The following DNAJC6 variants were observed in gnomAD, a reference collection of about 807,000 sequenced individuals.
DNAJC6 encodes auxilin.
DNAJC6 carries 34 observed loss-of-function variants against 110.0 expected under a neutral mutation model. The ratio of observed to expected loss-of-function variants is 0.31; its 90% CI spans 0.24 to 0.41. The LOEUF is 0.41. Ranked by LOEUF, DNAJC6 falls within the 10% of genes least tolerant of loss-of-function variation. DNAJC6 has a pLI of 1.00. For missense variants in DNAJC6, 1,031 were observed against 1,207.8 expected, an observed-to-expected ratio of 0.85 and a Z score of 2.17; for synonymous variants, 406 against 437.2, an observed-to-expected ratio of 0.93 and a Z score of 0.89.
chr1:65,384,801 C>A (rs1356129964), intron 6 of DNAJC6, among the ~76,000 whole-genome samples: 1 of 152,190 alleles, frequency 6.6e-6, no homozygotes, highest in Non-Finnish European at 1.5e-5. Flanking sequence ...CCACATCAAT[C>A]TGACATTATC....
At chr1:65,265,100 A>G (rs1653271278) in intron 1 of DNAJC6, among the ~76,000 whole-genome samples, 1 of 152,236 alleles carries the variant, frequency 6.6e-6, no homozygotes. Flanking sequence ...GACTTTAAAA[A>G]ATGACTAGCT....
intron 1 of DNAJC6, among the ~76,000 whole-genome samples, chr1:65,286,213 A>G (rs887308606): frequency 6.6e-6 from 1 of 152,132 alleles, no homozygotes; most frequent in Non-Finnish European, 1.5e-5. Context: ...CCATTTGAAT[A>G]GCAGAATTCT....
At chr1:65,351,785 G>A (rs1486046179) in intron 1 of DNAJC6, among the ~76,000 whole-genome samples, 2 of 151,956 alleles carry the variant, frequency 1.3e-5, no homozygotes, top group African/African-American at 2.4e-5. Context: ...TTTTTCTTAA[G>A]ATGGAGTTTC....
At chr1:65,391,358 A>C (rs1645923881) in intron 11 of DNAJC6, among the ~76,000 whole-genome samples, 1 of 152,188 alleles carries the variant, frequency 6.6e-6, no homozygotes, top group Non-Finnish European at 1.5e-5. Flanking sequence ...ATGTGGGTCT[A>C]TCTGGCATTA....
intron 1 of DNAJC6, among the ~76,000 whole-genome samples, chr1:65,272,653 T>G (rs933393617): frequency 3.3e-5 from 5 of 151,920 alleles, no homozygotes; most frequent in African/African-American, 1.2e-4. Flanking sequence ...CATTTGGGCC[T>G]GGAAATTTTG....
intron 6 of DNAJC6, 47 bp from the exon 7 acceptor site, chr1:65,385,665 T>G (rs1557554669): frequency 7.2e-7 from 1 of 1,396,992 alleles, no homozygotes; most frequent in East Asian, 2.4e-5. Flanking sequence ...ATTGCTTGCT[T>G]CTCCTGATGT....
At chr1:65,331,522 T>A (rs1422180470) in intron 1 of DNAJC6, among the ~76,000 whole-genome samples, 1 of 152,224 alleles carries the variant, frequency 6.6e-6, no homozygotes, top group Admixed American at 6.5e-5. Context: ...GTACAGCGAT[T>A]ACAGGGTGAA....
chr1:65,289,089 CCAAA>C (rs1400221776), intron 1 of DNAJC6, among the ~76,000 whole-genome samples: 1 of 152,126 alleles, frequency 6.6e-6, no homozygotes, highest in African/African-American at 2.4e-5. Flanking sequence ...ATAGATACTG[CCAAA>C]CAGTTTTACA....
At chr1:65,316,361 T>TATAA (rs1645148802) in intron 1 of DNAJC6, among the ~76,000 whole-genome samples, 1 of 152,250 alleles carries the variant, frequency 6.6e-6, no homozygotes, top group African/African-American at 2.4e-5. Context: ...CTTCAGGGTT[T>TATAA]AGCTCAGATA....
chr1:65,349,077 A>AAATATATATGTAAATACATATATAT, intron 1 of DNAJC6, among the ~76,000 whole-genome samples: 1 of 110,428 alleles, frequency 9.1e-6, no homozygotes, highest in African/African-American at 4.1e-5. Context: ...TACATATATA[A>AAATATATATGTAAATACATATATAT]AAATATATAT....
At chr1:65,407,760 C>T (rs1269563962) in intron 16 of DNAJC6, among the ~76,000 whole-genome samples, 1 of 152,132 alleles carries the variant, frequency 6.6e-6, no homozygotes, top group Admixed American at 6.5e-5. Context: ...GAACAAGAAA[C>T]AAAATCCCTA....
chr1:65,392,402 A>G, intron 11 of DNAJC6, 29 bp from the exon 12 acceptor site: 1 of 1,532,626 alleles, frequency 6.5e-7, no homozygotes, highest in Non-Finnish European at 8.8e-7. Context: ...TCAGCAACTA[A>G]TCTCTTATGG....
chr1:65,353,157 T>G (rs1645508143), intron 1 of DNAJC6, among the ~76,000 whole-genome samples: 2 of 152,192 alleles, frequency 1.3e-5, no homozygotes, highest in Admixed American at 1.3e-4. Flanking sequence ...ATTTAAGCCC[T>G]GATCTTTTGA....
At chr1:65,389,710 A>G (rs2101608225) in intron 11 of DNAJC6, 83 bp downstream of exon 11, 1 of 1,445,152 alleles carries the variant, frequency 6.9e-7, no homozygotes, top group Non-Finnish European at 9.7e-7. Context: ...GAAGCAGACT[A>G]CATTAAAGCA....
intron 1 of DNAJC6, among the ~76,000 whole-genome samples, chr1:65,265,530 C>CT (rs1307118804): frequency 1.8e-4 from 28 of 152,282 alleles, no homozygotes; most frequent in Admixed American, 5.9e-4. Flanking sequence ...TCCCAACACT[C>CT]TAATTCTGTT....
chr1:65,270,493 G>A (rs1653468365), intron 1 of DNAJC6, among the ~76,000 whole-genome samples: 1 of 151,982 alleles, frequency 6.6e-6, no homozygotes, highest in African/African-American at 2.4e-5. Context: ...GTTCAATAAG[G>A]TATTTATGGC....
At position 65,411,188 on chromosome 1, in the gene DNAJC6, G is replaced by A. The variant is rs536427726; in HGVS notation, c.2635-62G>A. ...AGCAGAAGGGGTTTCTAGAGTCCTA[G>A]TGGAAACCTTCTGAACTAGTAAGTA... is the stretch of plus-strand genomic sequence containing the variant. On this transcript the variant is annotated intron_variant, in intron 17 of 18. Coordinates refer to ENST00000371069, the MANE Select transcript of DNAJC6 (RefSeq NM_001256864.2). 1.6e-3 allele frequency: 2,464 copies of A among 1,539,606 alleles called. 35 individuals carry two copies. In the African/African-American group the frequency reaches 0.03, roughly 19 times the overall value.
At chr1:65,381,199 G>A (rs1355888605) in intron 5 of DNAJC6, among the ~76,000 whole-genome samples, 1 of 151,810 alleles carries the variant, frequency 6.6e-6, no homozygotes, top group Non-Finnish European at 1.5e-5. Flanking sequence ...TTACAGGCGT[G>A]ACCCCACCAG....
At chr1:65,411,206 A>G in intron 17 of DNAJC6, 44 bp from the exon 18 acceptor site, 1 of 1,584,512 alleles carries the variant, frequency 6.3e-7, no homozygotes, top group Non-Finnish European at 8.6e-7. Context: ...CTTCTGAACT[A>G]GTAAGTAAGC....
Sources: allele counts gnomAD v4.1 joint callset (sites outside exome capture counted in the v4.1 genomes callset), GRCh38; gene constraint gnomAD v4.1.1; transcripts MANE v1.5; gene names NCBI Gene and HGNC (gene_info 2026-07-23, HGNC 2026-07-21).